The following PLXNC1 variants were observed in gnomAD, a reference collection of about 807,000 sequenced individuals.
The protein encoded by PLXNC1 is plexin-C1.
Under a neutral mutation model 178.2 loss-of-function variants are expected in PLXNC1, and 75 were observed. The observed-to-expected ratio is 0.42, with a 90% CI of 0.35 to 0.51. The LOEUF is 0.51. Among genes scored for constraint, PLXNC1 ranks in the 20% least tolerant of loss-of-function variants. The pLI, the probability that PLXNC1 is intolerant of heterozygous loss-of-function variation, is 0.02. For missense variants in PLXNC1, 1,503 were observed against 1,984.4 expected (o/e 0.76, Z 4.61); for synonymous variants, 790 against 779.9 (o/e 1.01, Z -0.22).
chr12:94,172,332 TGA>T (rs1187722985), intron 2 of PLXNC1, among the ~76,000 whole-genome samples: 3 of 152,214 alleles, frequency 2.0e-5, no homozygotes, highest in African/African-American at 7.2e-5. Context: ...CCTTGTTGAA[TGA>T]GAGTCAGGAA....
At chr12:94,282,563 C>T (rs1966525994) in intron 23 of PLXNC1, among the ~76,000 whole-genome samples, 162 bp downstream of exon 23, 1 of 152,176 alleles carries the variant, frequency 6.6e-6, no homozygotes, top group Non-Finnish European at 1.5e-5. Flanking sequence ...GCAGACAAGC[C>T]CATGAAGGGC....
At chr12:94,207,093 G>C (rs931987508) in intron 4 of PLXNC1, among the ~76,000 whole-genome samples, 16 of 152,204 alleles carry the variant, frequency 1.1e-4, no homozygotes, top group African/African-American at 3.9e-4. Context: ...TGCAGTATTT[G>C]AGAAGTAATA....
chr12:94,192,324 C>A (rs1962757413), intron 4 of PLXNC1, among the ~76,000 whole-genome samples: 1 of 152,010 alleles, frequency 6.6e-6, no homozygotes, highest in African/African-American at 2.4e-5. Context: ...ATCCTACATC[C>A]AATCACAAAT....
chr12:94,257,733 C>T (rs890666319), intron 17 of PLXNC1, among the ~76,000 whole-genome samples: 2 of 151,626 alleles, frequency 1.3e-5, no homozygotes, highest in African/African-American at 2.4e-5. Context: ...AGTGAAACCC[C>T]GTCTCTACTA....
chr12:94,244,102 G>T lies in PLXNC1; in HGVS notation c.2388+77G>T, dbSNP rs533036331. ...TTTCATCACACTATGCTATGTTGGGGGTATTTTTTGTTTCTGTGACTTTGG... is the reference window on the plus strand; with the variant it reads ...TTTCATCACACTATGCTATGTTGGGTGTATTTTTTGTTTCTGTGACTTTGG... On this transcript the variant is annotated intron_variant, in intron 12 of 30. Coordinates refer to ENST00000258526, the MANE Select transcript of PLXNC1 (RefSeq NM_005761.3). 12 of 773,776 alleles carry T rather than the reference G, an allele frequency of 1.6e-5. No individual in the cohort carries two copies. In the South Asian group the frequency reaches 2.4e-4, roughly 15 times the overall value. 47.9% of individuals were successfully genotyped at this position (773,776 alleles called of 1,614,324 possible). A position where few individuals can be genotyped will look rare whatever the true frequency, so the allele number is the denominator to read the frequency against.
At chr12:94,268,767 G>A (rs986749117) in intron 21 of PLXNC1, among the ~76,000 whole-genome samples, 13 of 151,746 alleles carry the variant, frequency 8.6e-5, no homozygotes, top group African/African-American at 2.9e-4. Context: ...GCTAATGCTT[G>A]TATTTTTAGT....
At position 94,277,752 on chromosome 12, in the gene PLXNC1, CA is replaced by C. The variant is rs376145325; in HGVS notation, c.3598-1718del. 1,913 of 354,140 alleles carry C rather than the reference CA, an allele frequency of 5.4e-3. 13 individuals are homozygous for C. Among genetic ancestry groups the C allele is most frequent in the South Asian group, 0.01 (500 of 47,668 alleles). 21.9% of individuals were successfully genotyped at this position (354,140 alleles called of 1,614,324 possible). A position where few individuals can be genotyped will look rare whatever the true frequency, so the allele number is the denominator to read the frequency against. On this transcript the variant is annotated intron_variant, in intron 21 of 30. Transcript: ENST00000258526. The stretch of plus-strand genomic sequence containing the variant: ...GCAAATGAGTGGATACTAATGCCAA[CA>C]ATAGTAATTGTACAGGTTTTATTGC...
chr12:94,188,141 T>C (rs1962587845), intron 4 of PLXNC1, among the ~76,000 whole-genome samples: 1 of 151,738 alleles, frequency 6.6e-6, no homozygotes. Flanking sequence ...ACTTAGCAGG[T>C]GACAATGGGT....
intron 30 of PLXNC1, 90 bp downstream of exon 30, chr12:94,304,141 A>T: frequency 3.6e-6 from 3 of 838,144 alleles, no homozygotes; most frequent in South Asian, 1.8e-5. Context: ...CAGCTCTGGC[A>T]TCCCAAAAGG....
At chr12:94,227,596 G>C in intron 9 of PLXNC1, 1 of 227,070 alleles carries the variant, frequency 4.4e-6, no homozygotes, top group Non-Finnish European at 8.9e-6. Flanking sequence ...GGTTATGTGT[G>C]TGGATGGGGG....
rs1968999922 is a variant in PLXNC1 at position 94,306,238 on chromosome 12, GATACATT to G, written c.*954_*960del. On this transcript the variant is annotated 3_prime_UTR_variant, in exon 31 of 31. Transcript: ENST00000258526. ...CTTGTGTGTGATTTAAAAAAAAAAA[GATACATT>G]TTACATTTTATCGAATTGCTGTTCA... The G allele has an allele frequency of 6.6e-6, 1 of 151,004 alleles. No homozygotes were observed. Among genetic ancestry groups the G allele is most frequent in the African/African-American group, 2.5e-5 (1 of 40,798 alleles). 9.4% of individuals were successfully genotyped at this position (151,004 alleles called of 1,614,324 possible).
At chr12:94,184,469 C>G (rs765916755) in intron 3 of PLXNC1, among the ~76,000 whole-genome samples, 58 of 151,412 alleles carry the variant, frequency 3.8e-4, no homozygotes, top group Admixed American at 1.3e-4. Context: ...GTCGCCCAGG[C>G]TGGAGTGCAG....
chr12:94,167,356 G>A (rs968027381), intron 1 of PLXNC1, among the ~76,000 whole-genome samples: 1 of 152,168 alleles, frequency 6.6e-6, no homozygotes, highest in East Asian at 1.9e-4. Context: ...TTTCTGTGTT[G>A]TGAGATGAAG....
At chr12:94,273,626 G>T (rs538165658) in intron 21 of PLXNC1, among the ~76,000 whole-genome samples, 1 of 152,274 alleles carries the variant, frequency 6.6e-6, no homozygotes, top group African/African-American at 2.4e-5. Flanking sequence ...GCATTAGAAT[G>T]TGTTGTATAT....
At chr12:94,303,360 C>T (rs1968659435) in intron 28 of PLXNC1, among the ~76,000 whole-genome samples, 1 of 152,130 alleles carries the variant, frequency 6.6e-6, no homozygotes, top group South Asian at 2.1e-4. Context: ...TTTGTAAATG[C>T]CAAATTCACT....
intron 21 of PLXNC1, chr12:94,277,714 G>A (rs1966082514): frequency 8.7e-6 from 3 of 344,712 alleles, no homozygotes; most frequent in Non-Finnish European, 1.7e-5. Flanking sequence ...TCCAATGTGG[G>A]CTGAATCTGT....
intron 6 of PLXNC1, among the ~76,000 whole-genome samples, chr12:94,220,689 A>T (rs1370166688): frequency 6.6e-6 from 1 of 152,240 alleles, no homozygotes; most frequent in African/African-American, 2.4e-5. Flanking sequence ...ATTACAATGC[A>T]GTGTGTAAAT....
At chr12:94,166,552 TA>T in intron 1 of PLXNC1, among the ~76,000 whole-genome samples, 1 of 149,380 alleles carries the variant, frequency 6.7e-6, no homozygotes, top group Admixed American at 6.7e-5. Flanking sequence ...TTATTATTAT[TA>T]TTATTATTAT....
At chr12:94,216,440 A>G (rs778898821) in intron 5 of PLXNC1, among the ~76,000 whole-genome samples, 10 of 152,242 alleles carry the variant, frequency 6.6e-5, no homozygotes, top group Admixed American at 2.0e-4. Context: ...TTCAGAAAGT[A>G]GATATAAATA....
Sources: allele counts gnomAD v4.1 joint callset (sites outside exome capture counted in the v4.1 genomes callset), GRCh38; gene constraint gnomAD v4.1.1; transcripts MANE v1.5; gene names NCBI Gene and HGNC (gene_info 2026-07-23, HGNC 2026-07-21).